The following ZNG1B variants were observed in gnomAD, a reference collection of about 807,000 sequenced individuals.
ZNG1B encodes Zn regulated GTPase metalloprotein activator 1B.
the ZNG1B span, chr2:113,466,924 C>T: frequency 1.5e-6 from 1 of 670,918 alleles, no homozygotes; most frequent in Non-Finnish European, 1.8e-6. Flanking sequence ...ATTAGCTGAG[C>T]CTGGTGGTGG....
chr2:113,473,111 C>T, the ZNG1B span, among the ~76,000 whole-genome samples: 1 of 150,128 alleles, frequency 6.7e-6, no homozygotes, highest in Non-Finnish European at 1.5e-5. Context: ...ATTCTTCCTA[C>T]CCATGAGCAT....
the ZNG1B span, among the ~76,000 whole-genome samples, chr2:113,443,025 G>T: frequency 1.3e-4 from 19 of 149,290 alleles, no homozygotes; most frequent in South Asian, 2.1e-4. Context: ...CTGGAGTGCA[G>T]TGGCACAGTC....
chr2:113,440,111 C>G, the ZNG1B span, among the ~76,000 whole-genome samples: 1 of 151,440 alleles, frequency 6.6e-6, no homozygotes, highest in East Asian at 1.9e-4. Context: ...GTCTCGATCT[C>G]CTGACCTCGT....
At chr2:113,463,604 T>C in the ZNG1B span, among the ~76,000 whole-genome samples, 15 of 152,344 alleles carry the variant, frequency 9.8e-5, no homozygotes, top group African/African-American at 3.4e-4. Context: ...TGTTGCGTAG[T>C]GTTAAAGATC....
At chr2:113,443,394 A>AAGGGCATACAAAATCCAGTATAT in the ZNG1B span, among the ~76,000 whole-genome samples, 4 of 151,880 alleles carry the variant, frequency 2.6e-5, no homozygotes, top group Non-Finnish European at 5.9e-5. Flanking sequence ...TAAGAGGTTG[A>AAGGGCATACAAAATCCAGTATAT]AGGGCATACA....
At chr2:113,472,082 T>C in the ZNG1B span, among the ~76,000 whole-genome samples, 1 of 146,430 alleles carries the variant, frequency 6.8e-6, no homozygotes, top group Non-Finnish European at 1.5e-5. Context: ...ATGGTTGAAC[T>C]AGTTTACAGT....
the ZNG1B span, among the ~76,000 whole-genome samples, chr2:113,484,782 C>T: frequency 6.7e-6 from 1 of 150,248 alleles, no homozygotes; most frequent in African/African-American, 2.4e-5. Flanking sequence ...CATGCCTCAG[C>T]CTCCTGAGTA....
chr2:113,492,910 T>TTA, the ZNG1B span, among the ~76,000 whole-genome samples: 3 of 84,338 alleles, frequency 3.6e-5, 1 homozygote, highest in Non-Finnish European at 7.1e-5. Context: ...GTTTTTATAA[T>TTA]GTTATGCTTA....
chr2:113,476,242 A>G, the ZNG1B span, among the ~76,000 whole-genome samples: 4 of 151,800 alleles, frequency 2.6e-5, no homozygotes, highest in African/African-American at 7.3e-5. Context: ...CATTCATTTC[A>G]TATTTCATCG....
the ZNG1B span, among the ~76,000 whole-genome samples, chr2:113,448,081 G>T: frequency 6.6e-6 from 1 of 152,136 alleles, no homozygotes; most frequent in Non-Finnish European, 1.5e-5. Flanking sequence ...AGTTTGCCCA[G>T]ATCCATCAGA....
At chr2:113,474,781 C>T in the ZNG1B span, among the ~76,000 whole-genome samples, 4 of 152,038 alleles carry the variant, frequency 2.6e-5, no homozygotes, top group Non-Finnish European at 5.9e-5. Flanking sequence ...TGTTCGGTTT[C>T]CATGTAGTTG....
At chr2:113,451,634 C>T in the ZNG1B span, among the ~76,000 whole-genome samples, 3 of 152,044 alleles carry the variant, frequency 2.0e-5, no homozygotes, top group East Asian at 5.8e-4. Context: ...GAAAAGCACC[C>T]TGGTTTGAGA....
chr2:113,475,883 T>C, the ZNG1B span, among the ~76,000 whole-genome samples: 1 of 152,210 alleles, frequency 6.6e-6, no homozygotes, highest in Non-Finnish European at 1.5e-5. Context: ...GGGCTTCCCT[T>C]TGAGGGTAAC....
the ZNG1B span, among the ~76,000 whole-genome samples, chr2:113,472,239 G>A: frequency 9.2e-5 from 14 of 152,122 alleles, no homozygotes; most frequent in South Asian, 1.0e-3. Context: ...GGCCAGTGAT[G>A]GTGAGCATTT....
the ZNG1B span, among the ~76,000 whole-genome samples, chr2:113,464,859 A>G: frequency 6.6e-6 from 1 of 152,084 alleles, no homozygotes; most frequent in Non-Finnish European, 1.5e-5. Context: ...TTTATTAACC[A>G]CAAAGTAGCC....
the ZNG1B span, among the ~76,000 whole-genome samples, chr2:113,475,960 T>C: frequency 6.6e-6 from 1 of 152,158 alleles, no homozygotes; most frequent in Non-Finnish European, 1.5e-5. Context: ...ATCTGACAAT[T>C]ATGTGTCTTG....
At chr2:113,492,285 A>AT in the ZNG1B span, among the ~76,000 whole-genome samples, 2 of 139,698 alleles carry the variant, frequency 1.4e-5, 1 homozygote. Flanking sequence ...TGATATATAT[A>AT]TACATACAAT....
At chr2:113,469,223 A>C in the ZNG1B span, 1 of 151,866 alleles carries the variant, frequency 6.6e-6, no homozygotes, top group Non-Finnish European at 1.5e-5. Context: ...GGCTCACTGA[A>C]ACCTCTGCCT....
chr2:113,439,006 G>A, the ZNG1B span: 1 of 1,062,826 alleles, frequency 9.4e-7, no homozygotes, highest in South Asian at 1.5e-5. Context: ...TTTATTTTTG[G>A]CGTTTCCCCA....
Sources: allele counts gnomAD v4.1 joint callset (sites outside exome capture counted in the v4.1 genomes callset), GRCh38; gene constraint gnomAD v4.1.1; transcripts MANE v1.5; gene names NCBI Gene and HGNC (gene_info 2026-07-23, HGNC 2026-07-21).